COL23A1: variants seen among roughly 807,000 people sequenced by gnomAD.
The protein encoded by COL23A1 is collagen alpha-1(XXIII) chain.
A neutral mutation model predicts 99.3 loss-of-function variants in COL23A1; 97 were observed. That is an observed-to-expected ratio of 0.98 (90% CI 0.83 to 1.16). The LOEUF (loss-of-function observed/expected upper bound fraction) is 1.16. COL23A1 is among the 50% of genes most tolerant of loss of function. COL23A1 has a pLI of 0.00. For synonymous variants in COL23A1, 320 were observed against 308.2 expected (o/e 1.04, Z -0.40); for missense variants, 762 against 757.4 (o/e 1.01, Z -0.07).
At chr5:178,453,013 A>G (rs879504833) in intron 2 of COL23A1, among the ~76,000 whole-genome samples, 1 of 152,240 alleles carries the variant, frequency 6.6e-6, no homozygotes, top group Non-Finnish European at 1.5e-5. Flanking sequence ...TGGAATGCCC[A>G]TGAGCAGAGG....
At chr5:178,377,538 C>G (rs1390708612) in intron 2 of COL23A1, among the ~76,000 whole-genome samples, 1 of 152,230 alleles carries the variant, frequency 6.6e-6, no homozygotes, top group Non-Finnish European at 1.5e-5. Context: ...TTTCTTCACC[C>G]TCTGCCACCG....
At chr5:178,462,236 T>C (rs1264839338) in intron 2 of COL23A1, among the ~76,000 whole-genome samples, 3 of 152,160 alleles carry the variant, frequency 2.0e-5, no homozygotes, top group East Asian at 1.9e-4. Flanking sequence ...CTCCAAGAGG[T>C]TCCCCCCCAC....
chr5:178,441,861 G>T (rs1305204198), intron 2 of COL23A1, among the ~76,000 whole-genome samples: 2 of 152,100 alleles, frequency 1.3e-5, no homozygotes, highest in African/African-American at 2.4e-5. Context: ...CAGCAATGAA[G>T]GAAACCTGTG....
chr5:178,529,002 T>C (rs11249549), intron 2 of COL23A1, among the ~76,000 whole-genome samples: 4,572 of 152,310 alleles, frequency 0.03, 222 homozygotes, highest in African/African-American at 0.1. Flanking sequence ...AAAGCATCAA[T>C]GTATTGTTTC....
intron 2 of COL23A1, among the ~76,000 whole-genome samples, chr5:178,386,808 G>A (rs1763700966): frequency 6.6e-6 from 1 of 152,144 alleles, no homozygotes; most frequent in African/African-American, 2.4e-5. Context: ...GCCTGGGAGA[G>A]AACAGGACGC....
At chr5:178,292,454 C>G (rs1172035608) in intron 3 of COL23A1, among the ~76,000 whole-genome samples, 2 of 152,188 alleles carry the variant, frequency 1.3e-5, no homozygotes, top group Non-Finnish European at 1.5e-5. Flanking sequence ...TCACACACCC[C>G]GTTCTATTCC....
At chr5:178,253,814 G>A (rs980686607) in intron 16 of COL23A1, among the ~76,000 whole-genome samples, 13 of 152,074 alleles carry the variant, frequency 8.5e-5, no homozygotes, top group African/African-American at 1.2e-4. Flanking sequence ...TGCCCTGCAT[G>A]GACTATGGCT....
intron 1 of COL23A1, among the ~76,000 whole-genome samples, chr5:178,563,012 A>G (rs1762679808): frequency 6.6e-6 from 1 of 152,186 alleles, no homozygotes; most frequent in Non-Finnish European, 1.5e-5. Context: ...AAGTTCTCCA[A>G]GTCCCCACTG....
intron 2 of COL23A1, among the ~76,000 whole-genome samples, chr5:178,558,665 T>A (rs940345678): frequency 3.3e-5 from 5 of 152,110 alleles, no homozygotes; most frequent in African/African-American, 1.2e-4. Context: ...CACACAGGTA[T>A]GCACCCAGTA....
chr5:178,251,886 TTCTC>T (rs376891708), intron 17 of COL23A1, among the ~76,000 whole-genome samples: 113 of 151,504 alleles, frequency 7.5e-4, no homozygotes, highest in African/African-American at 2.5e-3. Flanking sequence ...TTTTCTTTCT[TTCTC>T]TCTCTTTCAT....
chr5:178,347,435 G>C lies in COL23A1; in HGVS notation c.362-40516C>G, dbSNP rs572389345. ...CCTGGGGGACGGGCATGGGGGGAGG[G>C]GTATGGGGAGGGATTGCCAGGGCTT... On this transcript the variant is annotated intron_variant, in intron 2 of 28. Transcript: ENST00000390654. 2.0e-5 allele frequency among the ~76,000 whole-genome samples: 3 copies of C among 149,472 alleles called. No homozygotes were observed. The East Asian group carries it at 5.8e-4, about 29-fold the overall frequency.
chr5:178,393,579 G>T (rs1764078672), intron 2 of COL23A1, among the ~76,000 whole-genome samples: 1 of 151,924 alleles, frequency 6.6e-6, no homozygotes, highest in Non-Finnish European at 1.5e-5. Context: ...TTCAGATCAT[G>T]TGAGACCAGC....
intron 2 of COL23A1, among the ~76,000 whole-genome samples, chr5:178,432,614 G>T (rs895553596): frequency 1.3e-5 from 2 of 152,202 alleles, no homozygotes; most frequent in Admixed American, 6.5e-5. Context: ...TGGGCTTGCA[G>T]ACTGAGCGAG....
intron 1 of COL23A1, among the ~76,000 whole-genome samples, chr5:178,578,045 G>GCATGCACACACCCA (rs1252770407): frequency 6.6e-6 from 1 of 152,038 alleles, no homozygotes; most frequent in Admixed American, 6.6e-5. Flanking sequence ...GCACACACGT[G>GCATGCACACACCCA]CATGCACACA....
rs987960061 is a variant in COL23A1 at position 178,366,488 on chromosome 5, C to T, written c.362-59569G>A. Reference sequence around the variant, plus strand: ...ATCTCTTGTGCATCTTTGCTCACGGCGTCTTCTGCACCTGCACTCCCATCT... The same window carrying T: ...ATCTCTTGTGCATCTTTGCTCACGGTGTCTTCTGCACCTGCACTCCCATCT... On this transcript the variant is annotated intron_variant, in intron 2 of 28. Transcript: ENST00000390654. This position sits in a 1 kb window ranked among gnomAD's most constrained non-coding sequence, Gnocchi z 4.4. Among the ~76,000 whole-genome samples, 11 of 152,182 alleles carry T rather than the reference C, an allele frequency of 7.2e-5. No homozygotes were observed. The highest frequency in any genetic ancestry group is 1.2e-4 in the Non-Finnish European group (8 of 68,034).
intron 2 of COL23A1, among the ~76,000 whole-genome samples, chr5:178,331,067 T>A (rs1386020094): frequency 6.6e-6 from 1 of 152,238 alleles, no homozygotes; most frequent in Non-Finnish European, 1.5e-5. Context: ...CAGTAGGAGC[T>A]TCATAAGTAT....
Position 178,257,061 on chromosome 5 carries a change from G to A in COL23A1, c.775-133C>T. On this transcript the variant is annotated intron_variant, in intron 13 of 28. Coordinates refer to ENST00000390654, the MANE Select transcript of COL23A1 (RefSeq NM_173465.4). Reference sequence around the variant, plus strand: ...TGGCAAATTGTTACTGAGTCCATGGGGGGTGTGGGCGGATGGACCTCAGGC... The same window carrying A: ...TGGCAAATTGTTACTGAGTCCATGGAGGGTGTGGGCGGATGGACCTCAGGC... The A allele has an allele frequency of 3.9e-6, 3 of 773,150 alleles. No homozygotes were observed. In the South Asian group the frequency reaches 5.2e-5, roughly 13 times the overall value. The allele number at this position is 773,150 out of a possible 1,614,324, so 47.9% of individuals were successfully genotyped here. A position where few individuals can be genotyped will look rare whatever the true frequency, so the allele number is the denominator to read the frequency against.
At chr5:178,244,173 T>C (rs1476719841) in intron 25 of COL23A1, among the ~76,000 whole-genome samples, 1 of 150,176 alleles carries the variant, frequency 6.7e-6, no homozygotes, top group Non-Finnish European at 1.5e-5. Context: ...GTATATTTAG[T>C]AGAGACAGGG....
chr5:178,550,043 T>C (rs570932269), intron 2 of COL23A1, among the ~76,000 whole-genome samples: 61 of 152,260 alleles, frequency 4.0e-4, no homozygotes, highest in Non-Finnish European at 6.6e-4. Flanking sequence ...GATACCTCCA[T>C]GAGACTCCAT....
Sources: gnomAD v4.1 joint callset for allele counts (sites outside exome capture counted in the v4.1 genomes callset) on GRCh38, gnomAD v4.1.1 for gene constraint, Gnocchi (gnomAD v3.1) non-coding constraint, MANE v1.5 for transcripts, NCBI Gene and HGNC (gene_info 2026-07-23, HGNC 2026-07-21) for gene names.